Variants in DEUP1 observed in about 807,000 individuals in gnomAD.
DEUP1 encodes deuterosome assembly protein 1.
A neutral mutation model predicts 87.4 loss-of-function variants in DEUP1; 82 were observed. The observed-to-expected ratio is 0.94, with a 90% CI of 0.78 to 1.13. The LOEUF is 1.13. Ranked by LOEUF, DEUP1 falls within the 50% of genes most tolerant of loss-of-function variation. The probability of loss-of-function intolerance (pLI) is 0.00; values close to 1 mark genes in which losing one functional copy is unlikely to be tolerated. For missense variants in DEUP1, 663 were observed against 681.5 expected, an observed-to-expected ratio of 0.97 and a Z score of 0.30; for synonymous variants, 214 against 222.7, an observed-to-expected ratio of 0.96 and a Z score of 0.35.
At chr11:93,379,684 C>A (rs1320904325) in intron 7 of DEUP1, among the ~76,000 whole-genome samples, 1 of 152,144 alleles carries the variant, frequency 6.6e-6, no homozygotes, top group African/African-American at 2.4e-5. Context: ...GACCCAAGTT[C>A]AACAGGATGT....
At chr11:93,373,578 T>C (rs1945844808) in intron 7 of DEUP1, among the ~76,000 whole-genome samples, 1 of 145,378 alleles carries the variant, frequency 6.9e-6, no homozygotes, top group African/African-American at 2.5e-5. Flanking sequence ...TTCATATATA[T>C]ATACATATAT....
intron 4 of DEUP1, among the ~76,000 whole-genome samples, chr11:93,362,729 A>T (rs1428821975): frequency 6.6e-6 from 1 of 151,870 alleles, no homozygotes; most frequent in African/African-American, 2.4e-5. Flanking sequence ...ACATGTATCT[A>T]CACAAAAACT....
chr11:93,435,801 C>G (rs1224987880), intron 13 of DEUP1, among the ~76,000 whole-genome samples: 2 of 152,068 alleles, frequency 1.3e-5, no homozygotes, highest in Non-Finnish European at 2.9e-5. Context: ...TCGAGACCAT[C>G]CTGGCTAACA....
chr11:93,400,513 C>T (rs1947081708), intron 11 of DEUP1, among the ~76,000 whole-genome samples: 1 of 152,080 alleles, frequency 6.6e-6, no homozygotes, highest in African/African-American at 2.4e-5. Flanking sequence ...GGATGCTAGT[C>T]CTACTGGATT....
chr11:93,433,265 C>T (rs1446029279), intron 13 of DEUP1, among the ~76,000 whole-genome samples: 3 of 152,180 alleles, frequency 2.0e-5, no homozygotes, highest in South Asian at 2.1e-4. Context: ...GTGGCTCACA[C>T]CTACAATCTC....
intron 2 of DEUP1, among the ~76,000 whole-genome samples, chr11:93,355,046 T>C (rs548771469): frequency 6.6e-6 from 1 of 152,334 alleles, no homozygotes; most frequent in South Asian, 2.1e-4. Flanking sequence ...TCTGAAGTTA[T>C]GATAGACATA....
intron 8 of DEUP1, among the ~76,000 whole-genome samples, chr11:93,387,037 A>C (rs778942524): frequency 4.6e-5 from 7 of 152,020 alleles, no homozygotes; most frequent in Non-Finnish European, 1.0e-4. Flanking sequence ...GCCAGTAAAA[A>C]CTTTTTTGTT....
intron 7 of DEUP1, among the ~76,000 whole-genome samples, chr11:93,372,885 G>C (rs1386914702): frequency 6.6e-6 from 1 of 152,190 alleles, no homozygotes; most frequent in Non-Finnish European, 1.5e-5. Flanking sequence ...ATCTGCTCTA[G>C]AGGGTGCCTA....
rs181279516 is a variant in DEUP1 at position 93,345,304 on chromosome 11, T to C, written c.30-10067T>C. On this transcript the variant is annotated intron_variant, in intron 2 of 13. Transcript: ENST00000298050. ...TCGTTGTCTTTGCTATTGTGAATAG[T>C]GCTGCAGTGAACATAACATGTGCAT... 2.0e-3 allele frequency among the ~76,000 whole-genome samples: 309 copies of C among 152,326 alleles called. 2 individuals are homozygous for C. The highest frequency in any genetic ancestry group is 3.7e-3 in the Non-Finnish European group (250 of 68,022).
chr11:93,354,031 C>T (rs1049099563), intron 2 of DEUP1, among the ~76,000 whole-genome samples: 12 of 152,216 alleles, frequency 7.9e-5, no homozygotes, highest in African/African-American at 1.7e-4. Context: ...TTTTCTACTG[C>T]ATCATCAGGC....
chr11:93,420,118 G>T (rs557218892), intron 13 of DEUP1, among the ~76,000 whole-genome samples: 309 of 152,172 alleles, frequency 2.0e-3, no homozygotes, highest in African/African-American at 7.2e-3. Flanking sequence ...CCAAATAAGA[G>T]AATTTTAGAC....
At chr11:93,406,334 C>T (rs115913976) in intron 11 of DEUP1, among the ~76,000 whole-genome samples, 49 of 151,836 alleles carry the variant, frequency 3.2e-4, no homozygotes, top group African/African-American at 1.1e-3. Context: ...GGAATCAGAC[C>T]GCAATCTATA....
chr11:93,404,488 C>G (rs1947211645), intron 11 of DEUP1, among the ~76,000 whole-genome samples: 2 of 152,148 alleles, frequency 1.3e-5, no homozygotes, highest in South Asian at 4.1e-4. Context: ...AGTACCCTTA[C>G]AATGATTAAA....
In DEUP1 at chr11:93,371,207, T is replaced by A. The variant is rs763673403; in HGVS notation, c.716T>A (p.Leu239Gln). Reference sequence around the variant, plus strand: ...AAATCAGCTGTAAATGAGATAGCACTAAGCAGGAATAAATTACAAGATGAA... The same window carrying A: ...AAATCAGCTGTAAATGAGATAGCACAAAGCAGGAATAAATTACAAGATGAA... ...KLKSAVNEIA[L>Q]SRNKLQDENQ... is the part of the protein sequence containing the mutation. The change falls in exon 7 of 14, where the codon CTA becomes CAA. Residue 239 changes from leucine (L) to glutamine (Q), a missense_variant. By Grantham distance (113) the Leu-to-Gln change is moderately radical. Coordinates refer to ENST00000298050, the MANE Select transcript of DEUP1 (RefSeq NM_181645.4). 1 of 1,613,122 alleles carries A rather than the reference T, an allele frequency of 6.2e-7. No individual in the cohort carries two copies. The highest frequency in any genetic ancestry group is 1.1e-5 in the South Asian group (1 of 90,890).
At chr11:93,409,386 A>C (rs1210949168) in intron 12 of DEUP1, among the ~76,000 whole-genome samples, 1 of 152,244 alleles carries the variant, frequency 6.6e-6, no homozygotes, top group Non-Finnish European at 1.5e-5. Context: ...TAAAAGATTT[A>C]TGGAGTCATA....
chr11:93,436,007 A>G (rs1028899763), intron 13 of DEUP1, among the ~76,000 whole-genome samples: 2 of 152,002 alleles, frequency 1.3e-5, no homozygotes, highest in African/African-American at 2.4e-5. Context: ...AAAAAAAAAA[A>G]AAAAAATTTT....
rs374634941 is a variant in DEUP1, at chr11:93,370,215, C to T, written c.546+29C>T. ...AGTTATCTAATACTATTCTCTAAAT[C>T]AAAAGCAGAAGTTAAATATTGGTAT... On this transcript the variant is annotated intron_variant, in intron 6 of 13. Transcript: ENST00000298050. 4.4e-6 allele frequency: 5 copies of T among 1,149,252 alleles called. No homozygotes were observed. The Admixed American group carries it at 1.1e-4, about 25-fold the overall frequency. The allele number at this position is 1,149,252 out of a possible 1,614,324, so 71.2% of individuals were successfully genotyped here. A position where few individuals can be genotyped will look rare whatever the true frequency, so the allele number is the denominator to read the frequency against.
At chr11:93,336,942 T>A (rs558863204) in intron 2 of DEUP1, among the ~76,000 whole-genome samples, 2 of 152,304 alleles carry the variant, frequency 1.3e-5, no homozygotes, top group East Asian at 3.9e-4. Context: ...GGGAACAAAA[T>A]GTGTGTGCAT....
intron 2 of DEUP1, among the ~76,000 whole-genome samples, chr11:93,345,600 C>CT (rs1254897164): frequency 6.6e-6 from 1 of 152,198 alleles, no homozygotes; most frequent in African/African-American, 2.4e-5. Flanking sequence ...TGACATTTCT[C>CT]TAACAATCAG....
Sources: allele counts gnomAD v4.1 joint callset (sites outside exome capture counted in the v4.1 genomes callset), GRCh38; gene constraint gnomAD v4.1.1; transcripts MANE v1.5; gene names NCBI Gene and HGNC (gene_info 2026-07-23, HGNC 2026-07-21).